Variants in TCF12 observed in about 807,000 individuals in gnomAD.
TCF12 encodes DNA-binding protein HTF4.
Under a neutral mutation model 86.0 loss-of-function variants are expected in TCF12, and 45 were observed. The ratio of observed to expected loss-of-function variants is 0.52; its 90% CI spans 0.41 to 0.67. The LOEUF is 0.67. Ranked by LOEUF, TCF12 falls within the 30% of genes least tolerant of loss-of-function variation. The pLI, the probability that TCF12 is intolerant of heterozygous loss-of-function variation, is 0.00. For synonymous variants in TCF12, 330 were observed against 299.6 expected (o/e 1.10, Z -1.05); for missense variants, 881 against 859.9 (o/e 1.02, Z -0.31).
At chr15:57,279,093 C>T (rs1567042520) in intron 19 of TCF12, among the ~76,000 whole-genome samples, 1 of 151,888 alleles carries the variant, frequency 6.6e-6, no homozygotes, top group Non-Finnish European at 1.5e-5. Context: ...CTCCCAGGCT[C>T]AAGTGATCCT....
chr15:57,144,594 C>T (rs2053225344), intron 5 of TCF12, among the ~76,000 whole-genome samples: 1 of 152,038 alleles, frequency 6.6e-6, no homozygotes, highest in Middle Eastern at 3.2e-3. Flanking sequence ...GACGTAACTT[C>T]GTTTGTTTTT....
At chr15:57,088,355 CAGA>C (rs1259647388) in intron 4 of TCF12, among the ~76,000 whole-genome samples, 2 of 152,176 alleles carry the variant, frequency 1.3e-5, no homozygotes, top group African/African-American at 4.8e-5. Context: ...TGTGGTATTT[CAGA>C]AGAAGTTTAA....
At chr15:57,165,307 G>A (rs1373633959) in intron 5 of TCF12, among the ~76,000 whole-genome samples, 1 of 152,050 alleles carries the variant, frequency 6.6e-6, no homozygotes, top group African/African-American at 2.4e-5. Context: ...CTCAAACTAG[G>A]GATCTGTTAT....
chr15:57,050,942 A>C (rs928755053), intron 3 of TCF12, among the ~76,000 whole-genome samples: 2 of 152,152 alleles, frequency 1.3e-5, no homozygotes, highest in South Asian at 2.1e-4. Flanking sequence ...AATATTTATA[A>C]TAGCTGCTTT....
chr15:57,124,024 A>G (rs2051448244), intron 5 of TCF12, among the ~76,000 whole-genome samples: 1 of 148,406 alleles, frequency 6.7e-6, no homozygotes, highest in African/African-American at 2.5e-5. Context: ...CACATTGCCC[A>G]GGCTGGTCTC....
chr15:57,024,989 G>A (rs1236945457), intron 3 of TCF12, among the ~76,000 whole-genome samples: 3 of 152,108 alleles, frequency 2.0e-5, no homozygotes, highest in Non-Finnish European at 4.4e-5. Flanking sequence ...ATCTGCTTTT[G>A]AAATTATGAA....
chr15:57,138,682 A>G (rs2052737864), intron 5 of TCF12, among the ~76,000 whole-genome samples: 1 of 152,242 alleles, frequency 6.6e-6, no homozygotes, highest in South Asian at 2.1e-4. Context: ...ATTTGGAGAC[A>G]GTTAAAATAA....
At chr15:57,241,917 T>C (rs2733322) in intron 12 of TCF12, among the ~76,000 whole-genome samples, 1 of 152,090 alleles carries the variant, frequency 6.6e-6, no homozygotes, top group African/African-American at 2.4e-5. Context: ...ACTTGAACCT[T>C]GTAGGTGGAG....
chr15:56,936,948 G>A (rs987627430), intron 3 of TCF12, among the ~76,000 whole-genome samples: 1 of 152,112 alleles, frequency 6.6e-6, no homozygotes, highest in Non-Finnish European at 1.5e-5. Context: ...TGTTTTGGCT[G>A]TGATGGCTCT....
chr15:57,049,558 T>C (rs1387728382), intron 3 of TCF12, among the ~76,000 whole-genome samples: 2 of 152,258 alleles, frequency 1.3e-5, no homozygotes, highest in African/African-American at 4.8e-5. Context: ...TTTCTGTTGC[T>C]GAATAGTAGT....
intron 15 of TCF12, 108 bp downstream of exon 15, chr15:57,252,600 C>A: frequency 1.1e-6 from 1 of 892,970 alleles, no homozygotes; most frequent in Non-Finnish European, 1.7e-6. Context: ...AAAAATCAAA[C>A]AGTTGACTGT....
chr15:57,227,267 C>T (rs1193192148), intron 8 of TCF12, among the ~76,000 whole-genome samples: 1 of 152,080 alleles, frequency 6.6e-6, no homozygotes, highest in East Asian at 1.9e-4. Flanking sequence ...ATTACGCCTC[C>T]CTGCCTCACA....
chr15:57,093,563 A>G (rs148585894), intron 5 of TCF12, among the ~76,000 whole-genome samples: 1 of 152,312 alleles, frequency 6.6e-6, no homozygotes. Flanking sequence ...AAAATTTTGT[A>G]CGGGACAAGT....
At chr15:57,057,762 C>T (rs916168161) in intron 3 of TCF12, among the ~76,000 whole-genome samples, 18 of 151,994 alleles carry the variant, frequency 1.2e-4, no homozygotes, top group Non-Finnish European at 1.5e-5. Flanking sequence ...AAAGGTTGCT[C>T]TAGTAGGAGG....
chr15:57,064,812 A>AAAGAG (rs554263213), intron 4 of TCF12, among the ~76,000 whole-genome samples: 11 of 123,418 alleles, frequency 8.9e-5, no homozygotes, highest in South Asian at 2.5e-4. Context: ...AAAAAAAAAA[A>AAAGAG]AGAGAGAGAG....
chr15:57,074,796 G>A lies in TCF12; in HGVS notation c.222+10973G>A, dbSNP rs189643642. 1.4e-4 allele frequency among the ~76,000 whole-genome samples: 22 copies of A among 152,272 alleles called. No homozygotes were observed. In the East Asian group the frequency reaches 3.7e-3, roughly 25 times the overall value. On this transcript the variant is annotated intron_variant, in intron 4 of 20. Transcript: ENST00000333725. ...ATCTATATTCTTATAACAGATTGCA[G>A]ATTAATACATTCTAGGAAAGGAAGA...
At position 57,160,293 on chromosome 15, in the gene TCF12, C is replaced by A. The variant is rs1841697; in HGVS notation, c.326-6109C>A. Among the ~76,000 whole-genome samples, 6 of 152,142 alleles carry A rather than the reference C, an allele frequency of 3.9e-5. No individual in the cohort carries two copies. The South Asian group carries it at 1.2e-3, about 32-fold the overall frequency. ...GGAGAAGCAAACACATCCTTCTTCA[C>A]GTGGTGGCAGCATGGAAAAGTGCAG... is the stretch of plus-strand genomic sequence containing the variant. On this transcript the variant is annotated intron_variant, in intron 5 of 20. Transcript: ENST00000333725.
chr15:57,252,624 A>G, intron 15 of TCF12, 132 bp downstream of exon 15: 1 of 725,282 alleles, frequency 1.4e-6, no homozygotes, highest in Non-Finnish European at 2.2e-6. Flanking sequence ...AGTTTTTATC[A>G]CAGTATATAG....
chr15:57,209,855 C>T (rs8034744), intron 8 of TCF12, among the ~76,000 whole-genome samples: 34,881 of 152,020 alleles, frequency 0.23, 4,443 homozygotes, highest in African/African-American at 0.35. Flanking sequence ...TAGCCATACT[C>T]TCCTTTTTAC....
Sources: allele counts gnomAD v4.1 joint callset (sites outside exome capture counted in the v4.1 genomes callset), GRCh38; gene constraint gnomAD v4.1.1; transcripts MANE v1.5; gene names NCBI Gene and HGNC (gene_info 2026-07-23, HGNC 2026-07-21).